Variants in SP8 observed in about 807,000 individuals in gnomAD.
SP8 encodes the protein transcription factor Sp8.
In SP8, 7 loss-of-function variants were observed where a neutral mutation model predicts 15.3. That is an observed-to-expected ratio of 0.46 (90% CI 0.26 to 0.86). The LOEUF is 0.86. Ranked by LOEUF, SP8 falls within the 40% of genes least tolerant of loss-of-function variation. SP8 has a pLI of 0.16. For synonymous variants in SP8, 415 were observed against 356.3 expected, an observed-to-expected ratio of 1.16 and a Z score of -1.86; for missense variants, 731 against 736.4, an observed-to-expected ratio of 0.99 and a Z score of 0.09.
rs1157776305 is a variant in SP8, at chr7:20,786,359, T to C, written c.21+419A>G. 6.6e-6 allele frequency among the ~76,000 whole-genome samples: 1 copy of C among 152,018 alleles called. No individual in the cohort carries two copies. The highest frequency in any genetic ancestry group is 2.4e-5 in the African/African-American group (1 of 41,390). On this transcript the variant is annotated intron_variant, in intron 1 of 1. Transcript: ENST00000418710. The surrounding 1 kb of genome is among the most constrained non-coding windows in gnomAD (Gnocchi z 4.4). ...TCTTTTTTTAAAAGCATATCTACAG[T>C]AGTAAAAACGAGACGAGTTCAACGT...
In SP8 at chr7:20,786,248, C is replaced by G. The variant is rs1400730786; in HGVS notation, c.22-453G>C. 6.6e-6 allele frequency among the ~76,000 whole-genome samples: 1 copy of G among 152,134 alleles called. No individual in the cohort carries two copies. Among genetic ancestry groups the G allele is most frequent in the African/African-American group, 2.4e-5 (1 of 41,416 alleles). On this transcript the variant is annotated intron_variant, in intron 1 of 1. Transcript: ENST00000418710. The surrounding 1 kb of genome is among the most constrained non-coding windows in gnomAD (Gnocchi z 4.4). ...AGAGCTTTGAAAAACCTGTTCGGGT[C>G]CCCAGAAACCCATCCTGGGTTGTTT...
In SP8 at chr7:20,784,899, G is replaced by A; in HGVS notation, c.918C>T (p.Pro306=). The change falls in exon 2 of 2, where the codon CCC becomes CCT. Residue 306 remains proline, a synonymous_variant. Transcript: ENST00000418710. ...ACGGGGCCGAGTCCGGGTAGGAGCC[G>A]GGTAGCACTGGCTTGAAGCCGTCCA... ...HLMDGFKPVL[P]GSYPDSAPSP... is the part of the protein sequence containing the mutation. 1 of 1,536,012 alleles carries A rather than the reference G, an allele frequency of 6.5e-7. No individual in the cohort carries two copies. The highest frequency in any genetic ancestry group is 8.7e-7 in the Non-Finnish European group (1 of 1,147,444).
chr7:20,784,103 C>A lies in SP8; in HGVS notation c.*187G>T. The A allele has an allele frequency of 1.9e-6, 1 of 533,258 alleles. No individual in the cohort carries two copies. The highest frequency in any genetic ancestry group is 2.0e-5 in the African/African-American group (1 of 50,106). 33.0% of individuals were successfully genotyped at this position (533,258 alleles called of 1,614,324 possible). On this transcript the variant is annotated 3_prime_UTR_variant, in exon 2 of 2. Coordinates refer to ENST00000418710, the MANE Select transcript of SP8 (RefSeq NM_182700.6). ...GGGCCCGGGACAGCGATGCGTGTTACTTACTTGTCCATATCCCCTTTACAA... is the reference window on the plus strand; with the variant it reads ...GGGCCCGGGACAGCGATGCGTGTTAATTACTTGTCCATATCCCCTTTACAA...
Position 20,784,424 on chromosome 7 carries a change from A to AGCC in SP8, c.1390_1392dup (p.Gly464dup), listed in dbSNP as rs367927423. On this transcript the variant is annotated inframe_insertion, in exon 2 of 2. Transcript: ENST00000418710. Reference sequence around the variant, plus strand: ...TTGCCGCCGCTGCCCGAGCCCGCCGAGCCGCCGCCGCCGCCGCCGCCACTG... The same window carrying AGCC: ...TTGCCGCCGCTGCCCGAGCCCGCCGAGCCGCCGCCGCCGCCGCCGCCGCCACTG... 849 of 1,531,092 alleles carry AGCC rather than the reference A, an allele frequency of 5.5e-4. 1 individual carries two copies. Among genetic ancestry groups the AGCC allele is most frequent in the Non-Finnish European group, 6.6e-4 (759 of 1,142,908 alleles). The allele number at this position is 1,531,092 out of a possible 1,614,324, so 94.8% of individuals were successfully genotyped here.
chr7:20,783,658 C>CA lies in SP8; in HGVS notation c.*631_*632insT, dbSNP rs1554293746. The CA allele has an allele frequency of 6.6e-6, 1 of 152,246 alleles. No individual in the cohort carries two copies. The highest frequency in any genetic ancestry group is 1.5e-5 in the Non-Finnish European group (1 of 68,130). 9.4% of individuals were successfully genotyped at this position (152,246 alleles called of 1,614,324 possible). On this transcript the variant is annotated 3_prime_UTR_variant, in exon 2 of 2. Coordinates refer to ENST00000418710, the MANE Select transcript of SP8 (RefSeq NM_182700.6). ...TCTAAACTCTACAAACTCTGGGTCT[C>CA]GGGCTGCCAAAAGTCACCCCCACCA... is the stretch of plus-strand genomic sequence containing the variant.
rs1207851115 is a variant in SP8, at chr7:20,783,072, T to C, written c.*1218A>G. Reference sequence around the variant, plus strand: ...CTTTTTTATTTTCCCTCTTTTGGTATTTAAACTACAGCCTCGTCTGAAATA... The same window carrying C: ...CTTTTTTATTTTCCCTCTTTTGGTACTTAAACTACAGCCTCGTCTGAAATA... On this transcript the variant is annotated 3_prime_UTR_variant, in exon 2 of 2. Transcript: ENST00000418710. 6.6e-6 allele frequency: 1 copy of C among 152,520 alleles called. No individual in the cohort carries two copies. The highest frequency in any genetic ancestry group is 1.5e-5 in the Non-Finnish European group (1 of 68,038). The allele number at this position is 152,520 out of a possible 1,614,324, so 9.4% of individuals were successfully genotyped here.
rs998860413 is a variant in SP8, at chr7:20,786,451, C to T, written c.21+327G>A. The stretch of plus-strand genomic sequence containing the variant: ...TTAGGGGAAGAATCTGCACTTTGCC[C>T]AGAAGGAAAAACTTGCTCTCTTTAC... On this transcript the variant is annotated intron_variant, in intron 1 of 1. Coordinates refer to ENST00000418710, the MANE Select transcript of SP8 (RefSeq NM_182700.6). This position sits in a 1 kb window ranked among gnomAD's most constrained non-coding sequence, Gnocchi z 4.4. 2.0e-5 allele frequency among the ~76,000 whole-genome samples: 3 copies of T among 152,026 alleles called. No homozygotes were observed. Among genetic ancestry groups the T allele is most frequent in the African/African-American group, 7.2e-5 (3 of 41,398 alleles).
In SP8 at chr7:20,782,727, A is replaced by G. The variant is rs1562604467; in HGVS notation, c.*1563T>C. 2.0e-5 allele frequency: 3 copies of G among 152,646 alleles called. No homozygotes were observed. Among genetic ancestry groups the G allele is most frequent in the Admixed American group, 6.5e-5 (1 of 15,286 alleles). The allele number at this position is 152,646 out of a possible 1,614,324, so 9.5% of individuals were successfully genotyped here. On this transcript the variant is annotated 3_prime_UTR_variant, in exon 2 of 2. Coordinates refer to ENST00000418710, the MANE Select transcript of SP8 (RefSeq NM_182700.6). ...CAGCTTGATACCTATCTAAATTCAT[A>G]TTCGAGCAAAACTAGGCCCCGAAAG...
In SP8 at chr7:20,785,922, G is replaced by T. The variant is rs540516014; in HGVS notation, c.22-127C>A. ...AGCGCCCCACTGCACCCCATCTCTC[G>T]CTGCGGCGCGCCGCCACCAACTCAC... On this transcript the variant is annotated intron_variant, in intron 1 of 1. Coordinates refer to ENST00000418710, the MANE Select transcript of SP8 (RefSeq NM_182700.6). The surrounding 1 kb of genome is among the most constrained non-coding windows in gnomAD (Gnocchi z 7.2). 6.9e-7 allele frequency: 1 copy of T among 1,459,640 alleles called. No homozygotes were observed. 90.4% of individuals were successfully genotyped at this position (1,459,640 alleles called of 1,614,324 possible). A position where few individuals can be genotyped will look rare whatever the true frequency, so the allele number is the denominator to read the frequency against.
chr7:20,785,064 C>T lies in SP8; in HGVS notation c.753G>A (p.Leu251=). 6.3e-7 allele frequency: 1 copy of T among 1,579,444 alleles called. No individual in the cohort carries two copies. The highest frequency in any genetic ancestry group is 8.6e-7 in the Non-Finnish European group (1 of 1,168,138). The change falls in exon 2 of 2, where the codon CTG becomes CTA. Residue 251 remains leucine, a synonymous_variant. Coordinates refer to ENST00000418710, the MANE Select transcript of SP8 (RefSeq NM_182700.6). This position sits in a 1 kb window ranked among gnomAD's most constrained non-coding sequence, Gnocchi z 7.2. ...TTTGGAGCCCCCCGGCGGCAGGGTG[C>T]AGCGAGCCGGGCAGCGCAGCCGCGC... The part of the protein sequence containing the change: ...PNSAAALPGS[L]HPAAGGLQTS...
chr7:20,783,269 A>G lies in SP8; in HGVS notation c.*1021T>C, dbSNP rs1783548316. On this transcript the variant is annotated 3_prime_UTR_variant, in exon 2 of 2. Transcript: ENST00000418710. Reference sequence around the variant, plus strand: ...GGAGTGGTGAAAAAACGAGGTAGAAAAGGACAAACATGGAGATAGTTAATC... The same window carrying G: ...GGAGTGGTGAAAAAACGAGGTAGAAGAGGACAAACATGGAGATAGTTAATC... The G allele has an allele frequency of 6.6e-6, 1 of 152,668 alleles. No homozygotes were observed. Among genetic ancestry groups the G allele is most frequent in the Non-Finnish European group, 1.5e-5 (1 of 68,048 alleles). The allele number at this position is 152,668 out of a possible 1,614,324, so 9.5% of individuals were successfully genotyped here. A position where few individuals can be genotyped will look rare whatever the true frequency, so the allele number is the denominator to read the frequency against.
In SP8 at chr7:20,786,633, A is replaced by G; in HGVS notation, c.21+145T>C. On this transcript the variant is annotated intron_variant, in intron 1 of 1. Transcript: ENST00000418710. The surrounding 1 kb of genome is among the most constrained non-coding windows in gnomAD (Gnocchi z 4.4). Reference sequence around the variant, plus strand: ...CTTCTCCCCCTTTTTCTTTTCTCCAAACTCACTTGTATTTAAAGAAAAAAA... The same window carrying G: ...CTTCTCCCCCTTTTTCTTTTCTCCAGACTCACTTGTATTTAAAGAAAAAAA... 2.7e-6 allele frequency: 2 copies of G among 739,954 alleles called. No homozygotes were observed. Among genetic ancestry groups the G allele is most frequent in the Non-Finnish European group, 4.8e-6 (2 of 417,770 alleles). 45.8% of individuals were successfully genotyped at this position (739,954 alleles called of 1,614,324 possible). A position where few individuals can be genotyped will look rare whatever the true frequency, so the allele number is the denominator to read the frequency against.
chr7:20,783,496 T>C lies in SP8; in HGVS notation c.*794A>G, dbSNP rs1325132834. The C allele has an allele frequency of 1.3e-5, 2 of 150,822 alleles. No homozygotes were observed. Among genetic ancestry groups the C allele is most frequent in the Non-Finnish European group, 2.9e-5 (2 of 67,946 alleles). 9.3% of individuals were successfully genotyped at this position (150,822 alleles called of 1,614,324 possible). On this transcript the variant is annotated 3_prime_UTR_variant, in exon 2 of 2. Coordinates refer to ENST00000418710, the MANE Select transcript of SP8 (RefSeq NM_182700.6). ...TGGAAGGTTGCTATTTTCCCCCTAG[T>C]TTTTTTAAAAATAAAATATATGCTA...
At position 20,784,312 on chromosome 7, in the gene SP8, C is replaced by G. The variant is rs753449952; in HGVS notation, c.1505G>C (p.Gly502Ala). Residue 502 changes from glycine (G) to alanine (A), a missense_variant, in exon 2 of 2, where the codon GGG becomes GCG. By Grantham distance (60) the Gly-to-Ala change is moderately conservative. Transcript: ENST00000418710. ...GCGTCACTCTAGGCCGTTGCGGTGC[C>G]CGGGCTCGGGGGGCTGCAGCAGCTC... ...SPELLQPPEP[G>A]HRNGLE The G allele has an allele frequency of 2.0e-6, 3 of 1,498,046 alleles. No homozygotes were observed. The South Asian group carries it at 3.8e-5, about 19-fold the overall frequency. The allele number at this position is 1,498,046 out of a possible 1,614,324, so 92.8% of individuals were successfully genotyped here. A position where few individuals can be genotyped will look rare whatever the true frequency, so the allele number is the denominator to read the frequency against.
In SP8 at chr7:20,786,471, C is replaced by T. The variant is rs1009137425; in HGVS notation, c.21+307G>A. ...TTGCCCAGAAGGAAAAACTTGCTCT[C>T]TTTACCCCCGAAATCGGTGCCTGTA... On this transcript the variant is annotated intron_variant, in intron 1 of 1. Transcript: ENST00000418710. This position sits in a 1 kb window ranked among gnomAD's most constrained non-coding sequence, Gnocchi z 4.4. 6.6e-6 allele frequency among the ~76,000 whole-genome samples: 1 copy of T among 152,124 alleles called. No individual in the cohort carries two copies. The highest frequency in any genetic ancestry group is 2.4e-5 in the African/African-American group (1 of 41,422).
rs574739362 is a variant in SP8 at position 20,785,916 on chromosome 7, T to C, written c.22-121A>G. The stretch of plus-strand genomic sequence containing the variant: ...CTCCAAAGCGCCCCACTGCACCCCA[T>C]CTCTCGCTGCGGCGCGCCGCCACCA... On this transcript the variant is annotated intron_variant, in intron 1 of 1. Transcript: ENST00000418710. This position sits in a 1 kb window ranked among gnomAD's most constrained non-coding sequence, Gnocchi z 7.2. 57 of 1,458,522 alleles carry C rather than the reference T, an allele frequency of 3.9e-5. No homozygotes were observed. The highest frequency in any genetic ancestry group is 4.7e-5 in the Non-Finnish European group (52 of 1,098,216). The allele number at this position is 1,458,522 out of a possible 1,614,324, so 90.3% of individuals were successfully genotyped here.
At position 20,785,946 on chromosome 7, in the gene SP8, A is replaced by G. The variant is rs1225584538; in HGVS notation, c.22-151T>C. On this transcript the variant is annotated intron_variant, in intron 1 of 1. Transcript: ENST00000418710. This position sits in a 1 kb window ranked among gnomAD's most constrained non-coding sequence, Gnocchi z 7.2. Reference sequence around the variant, plus strand: ...CGCTGCGGCGCGCCGCCACCAACTCACCTGGCACCCCCAACAGCCCCGGCG... The same window carrying G: ...CGCTGCGGCGCGCCGCCACCAACTCGCCTGGCACCCCCAACAGCCCCGGCG... 6.2e-6 allele frequency: 9 copies of G among 1,461,532 alleles called. No individual in the cohort carries two copies. Among genetic ancestry groups the G allele is most frequent in the Non-Finnish European group, 8.1e-6 (9 of 1,104,448 alleles). 90.5% of individuals were successfully genotyped at this position (1,461,532 alleles called of 1,614,324 possible). A position where few individuals can be genotyped will look rare whatever the true frequency, so the allele number is the denominator to read the frequency against.
chr7:20,784,791 G>A lies in SP8; in HGVS notation c.1026C>T (p.Arg342=). Residue 342 remains arginine (R), a synonymous_variant, in exon 2 of 2, where the codon CGC becomes CGT. Transcript: ENST00000418710. ...PLGGSPRSSA[R]RYSGRATCDC... is the part of the protein sequence containing the mutation. ...CGCAGGTGGCGCGGCCGGAGTAGCG[G>A]CGAGCTGAGGAGCGCGGGGAGCCCC... The A allele has an allele frequency of 6.5e-7, 1 of 1,537,166 alleles. No homozygotes were observed. Among genetic ancestry groups the A allele is most frequent in the South Asian group, 1.2e-5 (1 of 84,224 alleles).
Position 20,785,461 on chromosome 7 carries a change from G to T in SP8, c.356C>A (p.Thr119Asn). Reference protein sequence around the residue: ...GSPGSSAFSLTSSSAAAAAAA... With the variant: ...GSPGSSAFSLNSSSAAAAAAA... ...GGCGGCGGCTGCGGCGCTGCTGGAG[G>T]TGAGGGAGAAGGCGCTGGAGCCAGG... The change falls in exon 2 of 2, where the codon ACC becomes AAC. Residue 119 changes from threonine to asparagine, a missense_variant. Physicochemically the swap from Thr to Asn is moderately conservative, Grantham distance 65. Around this residue, in one of 3 missense-constraint regions of SP8, gnomAD observed 586 missense variants for 524.9 expected, o/e 1.12. Transcript: ENST00000418710. The surrounding 1 kb of genome is among the most constrained non-coding windows in gnomAD (Gnocchi z 7.2). 8.2e-7 allele frequency: 1 copy of T among 1,215,672 alleles called. No homozygotes were observed. The allele number at this position is 1,215,672 out of a possible 1,614,324, so 75.3% of individuals were successfully genotyped here.
Sources: gnomAD v4.1 joint callset for allele counts (sites outside exome capture counted in the v4.1 genomes callset) on GRCh38, gnomAD v4.1.1 for gene constraint, gnomAD v4.1.1 regional missense constraint, Gnocchi (gnomAD v3.1) non-coding constraint, MANE v1.5 for transcripts, NCBI Gene and HGNC (gene_info 2026-07-23, HGNC 2026-07-21) for gene names.